The following ANKRD29 variants were observed in gnomAD, a reference collection of about 807,000 sequenced individuals.
The protein encoded by ANKRD29 is ankyrin repeat domain 29.
A neutral mutation model predicts 38.0 loss-of-function variants in ANKRD29; 32 were observed. The ratio of observed to expected loss-of-function variants is 0.84; its 90% CI spans 0.64 to 1.13. The LOEUF is 1.13. Ranked by LOEUF, ANKRD29 falls within the 50% of genes most tolerant of loss-of-function variation. ANKRD29 has a pLI of 0.00. For missense variants in ANKRD29, 357 were observed against 377.9 expected, an observed-to-expected ratio of 0.94 and a Z score of 0.46; for synonymous variants, 135 against 152.4, an observed-to-expected ratio of 0.89 and a Z score of 0.84.
intron 1 of ANKRD29, among the ~76,000 whole-genome samples, chr18:23,661,443 C>T (rs1568061218): frequency 6.6e-6 from 1 of 152,228 alleles, no homozygotes; most frequent in Non-Finnish European, 1.5e-5. Flanking sequence ...TAGTGGCTCA[C>T]GCCTTTAACC....
intron 4 of ANKRD29, among the ~76,000 whole-genome samples, chr18:23,638,104 TCTC>T (rs1297119305): frequency 6.6e-6 from 1 of 150,596 alleles, no homozygotes; most frequent in East Asian, 2.0e-4. Context: ...TTCAAGTGAT[TCTC>T]CTACCTCAGC....
intron 3 of ANKRD29, among the ~76,000 whole-genome samples, chr18:23,644,012 T>A (rs1162009167): frequency 6.6e-6 from 1 of 152,218 alleles, no homozygotes; most frequent in African/African-American, 2.4e-5. Context: ...ACTGACACAG[T>A]CTCAGGAAAT....
rs932437993 is a variant in ANKRD29 at position 23,662,575 on chromosome 18, A to G, written c.21+135T>C. 7.1e-6 allele frequency: 6 copies of G among 846,810 alleles called. No homozygotes were observed. The African/African-American group carries it at 1.1e-4, about 15-fold the overall frequency. 52.5% of individuals were successfully genotyped at this position (846,810 alleles called of 1,614,324 possible). On this transcript the variant is annotated intron_variant, in intron 1 of 9. Coordinates refer to ENST00000592179, the MANE Select transcript of ANKRD29 (RefSeq NM_173505.4). ...CCTCCCGGGCCTCGCCCGCAGCTGG[A>G]GGAGAGAGGAAGGAGGAGGCGGCGG...
intron 8 of ANKRD29, among the ~76,000 whole-genome samples, chr18:23,614,391 G>T (rs1423682271): frequency 1.3e-5 from 2 of 152,168 alleles, no homozygotes; most frequent in Non-Finnish European, 2.9e-5. Flanking sequence ...AAAAAGAGCT[G>T]TTTGAAACAA....
intron 7 of ANKRD29, among the ~76,000 whole-genome samples, chr18:23,618,286 G>A (rs112725009): frequency 0.028 from 4,323 of 152,338 alleles, 114 homozygotes; most frequent in South Asian, 0.076. Flanking sequence ...GCATCCGCCC[G>A]TGTGTGGGTA....
intron 5 of ANKRD29, 46 bp from the exon 6 acceptor site, chr18:23,629,997 C>A: frequency 6.5e-7 from 1 of 1,534,320 alleles, no homozygotes; most frequent in Non-Finnish European, 8.9e-7. Context: ...ATCTTTCACA[C>A]TTATTTTAAA....
At chr18:23,614,765 A>G (rs1346829106) in intron 8 of ANKRD29, among the ~76,000 whole-genome samples, 1 of 152,132 alleles carries the variant, frequency 6.6e-6, no homozygotes, top group Non-Finnish European at 1.5e-5. Flanking sequence ...GCAGTTCTGT[A>G]TTAACTGTCA....
chr18:23,631,053 T>C (rs556594495), intron 5 of ANKRD29, among the ~76,000 whole-genome samples: 2 of 152,084 alleles, frequency 1.3e-5, no homozygotes, highest in African/African-American at 4.8e-5. Flanking sequence ...CTTTTCTCTT[T>C]CTTGTCCCCT....
At chr18:23,602,294 C>T (rs541282594) in intron 9 of ANKRD29, among the ~76,000 whole-genome samples, 2 of 152,258 alleles carry the variant, frequency 1.3e-5, no homozygotes, top group South Asian at 4.1e-4. Flanking sequence ...CCTCCGCCTC[C>T]CAAGGTGCTG....
chr18:23,634,178 A>G (rs1489456820), intron 4 of ANKRD29, 29 bp from the exon 5 acceptor site: 5 of 1,582,344 alleles, frequency 3.2e-6, no homozygotes, highest in Non-Finnish European at 4.3e-6. Context: ...TAAACACATT[A>G]GAGGTGGCGC....
chr18:23,659,277 C>T (rs1051462270), intron 1 of ANKRD29, among the ~76,000 whole-genome samples: 1 of 152,130 alleles, frequency 6.6e-6, no homozygotes, highest in Non-Finnish European at 1.5e-5. Flanking sequence ...TGTGCCTGGC[C>T]CACATTTTGT....
chr18:23,662,909 C>T lies in ANKRD29; in HGVS notation c.-179G>A. 3.6e-6 allele frequency: 1 copy of T among 275,572 alleles called. No individual in the cohort carries two copies. The highest frequency in any genetic ancestry group is 5.5e-6 in the Non-Finnish European group (1 of 181,438). 17.1% of individuals were successfully genotyped at this position (275,572 alleles called of 1,614,324 possible). On this transcript the variant is annotated 5_prime_UTR_variant, in exon 1 of 10. Coordinates refer to ENST00000592179, the MANE Select transcript of ANKRD29 (RefSeq NM_173505.4). ...ACACAGGGCCGGGCCGAAGGGGCGGCGCGGGGGCGCGCGCGCGCGCACACT... is the reference window on the plus strand; with the variant it reads ...ACACAGGGCCGGGCCGAAGGGGCGGTGCGGGGGCGCGCGCGCGCGCACACT...
intron 9 of ANKRD29, among the ~76,000 whole-genome samples, chr18:23,607,633 T>C (rs929285823): frequency 6.6e-6 from 1 of 152,232 alleles, no homozygotes; most frequent in Non-Finnish European, 1.5e-5. Flanking sequence ...CTGTCTTCCA[T>C]GCTGTTCTAA....
At chr18:23,656,905 T>C (rs1256158605) in intron 1 of ANKRD29, among the ~76,000 whole-genome samples, 2 of 152,168 alleles carry the variant, frequency 1.3e-5, no homozygotes, top group Admixed American at 1.3e-4. Context: ...TCAACTCCTC[T>C]TCATCCTTTG....
At chr18:23,627,368 T>C (rs573027653) in intron 6 of ANKRD29, among the ~76,000 whole-genome samples, 1 of 152,320 alleles carries the variant, frequency 6.6e-6, no homozygotes, top group Non-Finnish European at 1.5e-5. Context: ...TTAGATGCAG[T>C]CTTTAGAAGT....
chr18:23,612,802 G>T (rs2059660698), intron 8 of ANKRD29, among the ~76,000 whole-genome samples: 2 of 152,130 alleles, frequency 1.3e-5, no homozygotes, highest in South Asian at 2.1e-4. Flanking sequence ...GACATTTACT[G>T]CAAATATTTA....
At chr18:23,662,651 C>A in intron 1 of ANKRD29, 59 bp downstream of exon 1, 2 of 1,230,008 alleles carry the variant, frequency 1.6e-6, no homozygotes, top group South Asian at 3.3e-5. Flanking sequence ...CACCCGACCC[C>A]GCGGGCCCGG....
At chr18:23,634,184 G>A (rs368997600) in intron 4 of ANKRD29, 35 bp from the exon 5 acceptor site, 1 of 1,560,446 alleles carries the variant, frequency 6.4e-7, no homozygotes, top group Non-Finnish European at 8.8e-7. Context: ...CATTAGAGGT[G>A]GCGCAGGCAC....
intron 4 of ANKRD29, among the ~76,000 whole-genome samples, chr18:23,635,291 A>T (rs1459886491): frequency 2.3e-5 from 3 of 129,562 alleles, no homozygotes; most frequent in Non-Finnish European, 3.4e-5. Context: ...TAAAAAAAGT[A>T]AAAAAAAAAA....
Sources: gnomAD v4.1 joint callset for allele counts (sites outside exome capture counted in the v4.1 genomes callset) on GRCh38, gnomAD v4.1.1 for gene constraint, MANE v1.5 for transcripts, NCBI Gene and HGNC (gene_info 2026-07-23, HGNC 2026-07-21) for gene names.